Variants in COL1A1 observed in about 807,000 individuals in gnomAD.
The protein encoded by COL1A1 is collagen alpha-1(I) chain.
COL1A1 carries 21 observed loss-of-function variants against 195.7 expected under a neutral mutation model. That is an observed-to-expected ratio of 0.11 (90% CI 0.08 to 0.15). The LOEUF is 0.15. COL1A1 is among the 10% of genes least tolerant of loss of function. The pLI is 1.00. For missense variants in COL1A1, 1,365 were observed against 2,051.0 expected, an observed-to-expected ratio of 0.67 and a Z score of 6.46; for synonymous variants, 749 against 747.3, an observed-to-expected ratio of 1.00 and a Z score of -0.04.
rs1320840647 is a variant in COL1A1, at chr17:50,201,555, G to A, written c.-42C>T. The stretch of plus-strand genomic sequence containing the variant: ...TGTAGACTCTTTGTGGCTGGGGAGG[G>A]GGTTAGCGTCCGCTCATGCGTGGCC... On this transcript the variant is annotated 5_prime_UTR_variant, in exon 1 of 51. Transcript: ENST00000225964. The A allele has an allele frequency of 6.4e-7, 1 of 1,563,696 alleles. No homozygotes were observed. The highest frequency in any genetic ancestry group is 1.4e-5 in the African/African-American group (1 of 73,982).
Position 50,188,350 on chromosome 17 carries a change from G to A in COL1A1, c.3207+180C>T. The A allele has an allele frequency of 1.2e-6, 1 of 813,432 alleles. No individual in the cohort carries two copies. The highest frequency in any genetic ancestry group is 2.0e-6 in the Non-Finnish European group (1 of 512,244). The allele number at this position is 813,432 out of a possible 1,614,324, so 50.4% of individuals were successfully genotyped here. ...CTCATGGGAGAGGCGGTCCTGTCTG[G>A]GAGAGGGGACTTGGGGCTGAGCTTT... On this transcript the variant is annotated intron_variant, in intron 43 of 50. Transcript: ENST00000225964. The surrounding 1 kb of genome is among the most constrained non-coding windows in gnomAD (Gnocchi z 5.6).
rs775246452 is a variant in COL1A1, at chr17:50,199,298, G to A, written c.399C>T (p.Gly133=). 8 of 1,538,408 alleles carry A rather than the reference G, an allele frequency of 5.2e-6. No homozygotes were observed. Among genetic ancestry groups the A allele is most frequent in the Non-Finnish European group, 5.3e-6 (6 of 1,139,592 alleles). ...RGPAGPPGRD[G]IPGQPGLPGP... is the part of the protein sequence containing the mutation. ...CGGGAAGTCCAGGCTGTCCAGGGAT[G>A]CCATCTCGGCCAGGGGGGCCTGCGG... Residue 133 remains glycine (G), a synonymous_variant, in exon 5 of 51, where the codon GGC becomes GGT. Transcript: ENST00000225964.
At position 50,190,129 on chromosome 17, in the gene COL1A1, G is replaced by T; in HGVS notation, c.2452-21C>A. Reference sequence around the variant, plus strand: ...GCACCCTGGGGGAGGAAGCAGGGCGGTGAATGGAGGGAAGGAGGCAGGAGT... The same window carrying T: ...GCACCCTGGGGGAGGAAGCAGGGCGTTGAATGGAGGGAAGGAGGCAGGAGT... On this transcript the variant is annotated intron_variant, in intron 35 of 50. Transcript: ENST00000225964. The surrounding 1 kb of genome is among the most constrained non-coding windows in gnomAD (Gnocchi z 4.7). 1.3e-6 allele frequency: 2 copies of T among 1,599,220 alleles called. No homozygotes were observed. Among genetic ancestry groups the T allele is most frequent in the South Asian group, 1.1e-5 (1 of 90,796 alleles).
Position 50,199,296 on chromosome 17 carries a change from A to T in COL1A1, c.401T>A (p.Ile134Asn), listed in dbSNP as rs771647906. Reference protein sequence around the residue: ...GPAGPPGRDGIPGQPGLPGPP... With the variant: ...GPAGPPGRDGNPGQPGLPGPP... ...TCCGGGAAGTCCAGGCTGTCCAGGG[A>T]TGCCATCTCGGCCAGGGGGGCCTGC... The change falls in exon 5 of 51, where the codon ATC becomes AAC. Residue 134 changes from isoleucine (I) to asparagine (N), a missense_variant. Ile to Asn is a moderately radical substitution (Grantham distance 149, BLOSUM62 -3). Coordinates refer to ENST00000225964, the MANE Select transcript of COL1A1 (RefSeq NM_000088.4). 23 of 1,538,214 alleles carry T rather than the reference A, an allele frequency of 1.5e-5. No homozygotes were observed. Among genetic ancestry groups the T allele is most frequent in the Non-Finnish European group, 2.0e-5 (23 of 1,139,718 alleles).
Position 50,188,568 on chromosome 17 carries a change from C to T in COL1A1, c.3169G>A (p.Val1057Ile), listed in dbSNP as rs575285203. The change falls in exon 43 of 51, where the codon GTT becomes ATT. Residue 1057 changes from valine (V) to isoleucine (I), a missense_variant. Val to Ile is a conservative substitution (Grantham distance 29). Transcript: ENST00000225964. This position sits in a 1 kb window ranked among gnomAD's most constrained non-coding sequence, Gnocchi z 5.6. ...APGAPGAPGP[V>I]GPAGKSGDRG... ...TCACCACTCTTGCCAGCAGGGCCAA[C>T]GGGGCCAGGGGCACCAGGAGCACCA... 80 of 1,613,944 alleles carry T rather than the reference C, an allele frequency of 5.0e-5. No individual in the cohort carries two copies. Among genetic ancestry groups the T allele is most frequent in the Middle Eastern group, 1.6e-4 (1 of 6,062 alleles).
Position 50,187,878 on chromosome 17 carries a change from G to T in COL1A1, c.3367C>A (p.Pro1123Thr), listed in dbSNP as rs1906695995. 2 of 1,598,282 alleles carry T rather than the reference G, an allele frequency of 1.3e-6. No homozygotes were observed. The highest frequency in any genetic ancestry group is 1.7e-5 in the Admixed American group (1 of 58,758). The change falls in exon 45 of 51, where the codon CCT becomes ACT. Residue 1123 changes from proline to threonine, a missense_variant and splice_region_variant. Pro to Thr is a conservative substitution (Grantham distance 38, BLOSUM62 -1). This residue lies in a region of COL1A1 where 671 missense variants were observed against 1,099.9 expected (regional missense o/e 0.61). Coordinates refer to ENST00000225964, the MANE Select transcript of COL1A1 (RefSeq NM_000088.4). ...GGGGAGGGGCTGAGCATACTTACAG[G>T]AGGGCCAGGGGGACCCTGGAGGCCA... ...FSGLQGPPGP[P>T]GSPGEQGPSG...
chr17:50,193,533 G>T, intron 25 of COL1A1: 1 of 268,586 alleles, frequency 3.7e-6, no homozygotes, highest in Non-Finnish European at 7.2e-6. Flanking sequence ...CCAGGCTGGA[G>T]TGCAATGGCG....
At chr17:50,200,664 G>T (rs1448510276) in intron 1 of COL1A1, among the ~76,000 whole-genome samples, 2 of 152,140 alleles carry the variant, frequency 1.3e-5, no homozygotes, top group East Asian at 3.9e-4. Context: ...CTCCCCAGAC[G>T]GCCACTAGGT....
intron 6 of COL1A1, 103 bp downstream of exon 6, chr17:50,198,330 A>G (rs1373755917): frequency 3.9e-6 from 6 of 1,540,934 alleles, no homozygotes; most frequent in Non-Finnish European, 5.4e-6. Context: ...GAGGTCCCAA[A>G]GGTGATCTGG....
At chr17:50,187,217 C>T in intron 46 of COL1A1, 95 bp from the exon 47 acceptor site, 1 of 1,077,440 alleles carries the variant, frequency 9.3e-7, no homozygotes, top group Non-Finnish European at 1.4e-6. Context: ...CTGGCTCTGG[C>T]CCCACGGCTC....
chr17:50,194,281 C>T lies in COL1A1; in HGVS notation c.1614+68G>A, dbSNP rs1315906657. 6.2e-7 allele frequency: 1 copy of T among 1,602,552 alleles called. No individual in the cohort carries two copies. Among genetic ancestry groups the T allele is most frequent in the Non-Finnish European group, 8.5e-7 (1 of 1,170,364 alleles). On this transcript the variant is annotated intron_variant, in intron 23 of 50. Coordinates refer to ENST00000225964, the MANE Select transcript of COL1A1 (RefSeq NM_000088.4). This position sits in a 1 kb window ranked among gnomAD's most constrained non-coding sequence, Gnocchi z 6.8. Reference sequence around the variant, plus strand: ...AGACCCTTGGGCCTGATCCAGAACGCCTCATCCCAGACCCTACACGGGATG... The same window carrying T: ...AGACCCTTGGGCCTGATCCAGAACGTCTCATCCCAGACCCTACACGGGATG...
At chr17:50,187,260 A>T (rs1906637426) in intron 46 of COL1A1, 138 bp from the exon 47 acceptor site, 1 of 848,578 alleles carries the variant, frequency 1.2e-6, no homozygotes, top group Non-Finnish European at 1.9e-6. Context: ...TCCATAGGAC[A>T]TGCCATAGCT....
rs1377587601 is a variant in COL1A1 at position 50,187,900 on chromosome 17, G to A, written c.3345C>T (p.Gly1115=). The A allele has an allele frequency of 9.3e-6, 15 of 1,608,886 alleles. No individual in the cohort carries two copies. Among genetic ancestry groups the A allele is most frequent in the Non-Finnish European group, 1.2e-5 (14 of 1,177,042 alleles). The part of the protein sequence containing the change: ...RGIKGHRGFS[G]LQGPPGPPGS... ...CAGGAGGGCCAGGGGGACCCTGGAG[G>A]CCAGAGAAGCCACGGTGACCCTTTA... Residue 1115 remains glycine (G), a synonymous_variant, in exon 45 of 51, where the codon GGC becomes GGT. Coordinates refer to ENST00000225964, the MANE Select transcript of COL1A1 (RefSeq NM_000088.4).
Position 50,195,827 on chromosome 17 carries a change from C to T in COL1A1, c.1056+96G>A. 6.8e-7 allele frequency: 1 copy of T among 1,463,500 alleles called. No homozygotes were observed. The highest frequency in any genetic ancestry group is 9.4e-7 in the Non-Finnish European group (1 of 1,067,074). 90.7% of individuals were successfully genotyped at this position (1,463,500 alleles called of 1,614,324 possible). A position where few individuals can be genotyped will look rare whatever the true frequency, so the allele number is the denominator to read the frequency against. On this transcript the variant is annotated intron_variant, in intron 16 of 50. Transcript: ENST00000225964. This position sits in a 1 kb window ranked among gnomAD's most constrained non-coding sequence, Gnocchi z 4.3. ...CAAAGGTGTTAGTGAACGGGCTGCT[C>T]TCTTGCCACTCTGGGTCCCTTTGGT...
rs778902601 is a variant in COL1A1 at position 50,190,398 on chromosome 17, A to C, written c.2398-18T>G. The stretch of plus-strand genomic sequence containing the variant: ...CGGTCTCCCTAGAAGAAAAGGAGTC[A>C]GATTGGAGAGATGCGCTGACAGGAG... On this transcript the variant is annotated intron_variant, in intron 34 of 50. Coordinates refer to ENST00000225964, the MANE Select transcript of COL1A1 (RefSeq NM_000088.4). The surrounding 1 kb of genome is among the most constrained non-coding windows in gnomAD (Gnocchi z 4.7). The C allele has an allele frequency of 1.7e-5, 27 of 1,609,924 alleles. No individual in the cohort carries two copies. The African/African-American group carries it at 2.8e-4, about 17-fold the overall frequency.
rs1263674067 is a variant in COL1A1, at chr17:50,194,711, G to A, written c.1461+10C>T. 7.7e-6 allele frequency: 12 copies of A among 1,563,886 alleles called. No homozygotes were observed. The highest frequency in any genetic ancestry group is 2.4e-5 in the East Asian group (1 of 41,578). ...GGGTGGAGCGGGAGGGGGCGGGCAG[G>A]GACACTTACACGCTCGCCAGGGGGT... On this transcript the variant is annotated intron_variant, in intron 21 of 50. Coordinates refer to ENST00000225964, the MANE Select transcript of COL1A1 (RefSeq NM_000088.4). The surrounding 1 kb of genome is among the most constrained non-coding windows in gnomAD (Gnocchi z 6.8).
rs1469106741 is a variant in COL1A1, at chr17:50,198,471, C to T, written c.505G>A (p.Glu169Lys). 2 of 1,613,332 alleles carry T rather than the reference C, an allele frequency of 1.2e-6. No homozygotes were observed. The highest frequency in any genetic ancestry group is 1.7e-5 in the Admixed American group (1 of 59,886). Reference protein sequence around the residue: ...FAPQLSYGYDEKSTGGISVPG... With the variant: ...FAPQLSYGYDKKSTGGISVPG... ...ACGGAAATTCCTCCGGTTGATTTCT[C>T]ATCATAGCCATAAGACAGCTGGGGA... is the stretch of plus-strand genomic sequence containing the variant. Residue 169 changes from glutamate to lysine, a missense_variant, in exon 6 of 51, where the codon GAG (glutamate) becomes AAG (lysine). Around this residue, in one of 5 missense-constraint regions of COL1A1, gnomAD observed 226 missense variants for 372.9 expected, o/e 0.61. Transcript: ENST00000225964.
chr17:50,200,902 G>A (rs925961851), intron 1 of COL1A1, among the ~76,000 whole-genome samples: 2 of 152,100 alleles, frequency 1.3e-5, no homozygotes, highest in African/African-American at 4.8e-5. Flanking sequence ...CAAGGACCCC[G>A]CCCCGCCGAG....
At position 50,194,199 on chromosome 17, in the gene COL1A1, G is replaced by A. The variant is rs2144570402; in HGVS notation, c.1615-16C>T. 1 of 1,613,220 alleles carries A rather than the reference G, an allele frequency of 6.2e-7. No individual in the cohort carries two copies. The highest frequency in any genetic ancestry group is 1.8e-4 in the Middle Eastern group (1 of 5,552). On this transcript the variant is annotated splice_polypyrimidine_tract_variant and intron_variant, in intron 23 of 50. Transcript: ENST00000225964. This position sits in a 1 kb window ranked among gnomAD's most constrained non-coding sequence, Gnocchi z 6.8. ...CAGTCAGACCCTAGGGAGGCAGAGAGGTATGAGTGGGACTTGGGGAGAAGC... is the reference window on the plus strand; with the variant it reads ...CAGTCAGACCCTAGGGAGGCAGAGAAGTATGAGTGGGACTTGGGGAGAAGC...
Sources: gnomAD v4.1 joint callset for allele counts (sites outside exome capture counted in the v4.1 genomes callset) on GRCh38, gnomAD v4.1.1 for gene constraint, gnomAD v4.1.1 regional missense constraint, Gnocchi (gnomAD v3.1) non-coding constraint, MANE v1.5 for transcripts, NCBI Gene and HGNC (gene_info 2026-07-23, HGNC 2026-07-21) for gene names.